The following CIROZ variants were observed in gnomAD, a reference collection of about 807,000 sequenced individuals.
CIROZ encodes ciliated left-right organizer ZP-N domains-containing protein.
chr1:10,975,407 GAAAAAAAA>G, the CIROZ span, among the ~76,000 whole-genome samples: 67 of 78,782 alleles, frequency 8.5e-4, no homozygotes, highest in Non-Finnish European at 1.7e-3. Context: ...CTCTGTCTCA[GAAAAAAAA>G]AAAAAAAAAA....
At chr1:10,976,372 G>A in the CIROZ span, 362 of 721,870 alleles carry the variant, frequency 5.0e-4, 2 homozygotes, top group Middle Eastern at 4.0e-4. Flanking sequence ...GTCTCGCTCC[G>A]TCACCCTGGC....
the CIROZ span, among the ~76,000 whole-genome samples, chr1:10,968,413 CT>C: frequency 3.3e-5 from 5 of 152,326 alleles, no homozygotes; most frequent in Non-Finnish European, 7.4e-5. Flanking sequence ...GGCAGCCTTT[CT>C]ACGTGGGATT....
chr1:10,954,019 C>T, the CIROZ span: 2 of 1,610,576 alleles, frequency 1.2e-6, no homozygotes, highest in East Asian at 2.2e-5. Flanking sequence ...CCTCACTCAC[C>T]CACACACTGG....
chr1:10,963,195 C>A, the CIROZ span, among the ~76,000 whole-genome samples: 1 of 152,024 alleles, frequency 6.6e-6, no homozygotes, highest in African/African-American at 2.4e-5. Flanking sequence ...TCAAGACCAG[C>A]CTGGCCAACA....
the CIROZ span, among the ~76,000 whole-genome samples, chr1:10,971,800 C>T: frequency 6.6e-6 from 1 of 152,182 alleles, no homozygotes; most frequent in East Asian, 1.9e-4. Flanking sequence ...CCTTGTTGAC[C>T]ACTCTATCCC....
the CIROZ span, chr1:10,976,211 G>C: frequency 4.6e-6 from 7 of 1,536,578 alleles, no homozygotes; most frequent in Middle Eastern, 1.8e-4. Context: ...TGAAGGAGAG[G>C]CTCCATGGGA....
chr1:10,969,112 C>T, the CIROZ span, among the ~76,000 whole-genome samples: 3 of 152,104 alleles, frequency 2.0e-5, no homozygotes, highest in African/African-American at 4.8e-5. Flanking sequence ...CCAGAAGGTG[C>T]TTTAGGAATT....
chr1:10,966,409 G>A, the CIROZ span: 69 of 1,536,616 alleles, frequency 4.5e-5, no homozygotes, highest in Middle Eastern at 1.7e-4. Flanking sequence ...GGAAGTCACC[G>A]TCTGAAGCCA....
the CIROZ span, chr1:10,969,873 G>A: frequency 1.4e-6 from 2 of 1,419,534 alleles, no homozygotes; most frequent in South Asian, 3.1e-5. Context: ...TGATGCCCAG[G>A]AACCTGCAAG....
the CIROZ span, among the ~76,000 whole-genome samples, chr1:10,957,355 T>C: frequency 2.0e-5 from 3 of 152,312 alleles, no homozygotes; most frequent in African/African-American, 4.8e-5. Context: ...CACAGCAACT[T>C]TGGGCTATTT....
the CIROZ span, among the ~76,000 whole-genome samples, chr1:10,975,407 GAAAAAAAAAAA>G: frequency 2.5e-5 from 2 of 78,782 alleles, no homozygotes; most frequent in Non-Finnish European, 5.7e-5. Context: ...CTCTGTCTCA[GAAAAAAAAAAA>G]AAAAAAAAAA....
chr1:10,961,059 T>C, the CIROZ span, among the ~76,000 whole-genome samples: 12 of 152,166 alleles, frequency 7.9e-5, no homozygotes, highest in Non-Finnish European at 7.4e-5. Flanking sequence ...GACTGGGGCA[T>C]TGGGGCATCT....
the CIROZ span, among the ~76,000 whole-genome samples, chr1:10,961,853 A>G: frequency 1.3e-5 from 2 of 152,316 alleles, no homozygotes; most frequent in African/African-American, 4.8e-5. Flanking sequence ...CTGTGATCCC[A>G]TGAGAATCGC....
At chr1:10,959,766 G>T in the CIROZ span, among the ~76,000 whole-genome samples, 15 of 152,240 alleles carry the variant, frequency 9.9e-5, no homozygotes, top group East Asian at 3.8e-4. This position sits in a 1 kb window ranked among gnomAD's most constrained non-coding sequence, Gnocchi z 4.3. Context: ...CCACCATGCA[G>T]CCTCCCCAGT....
chr1:10,977,175 G>A, the CIROZ span, among the ~76,000 whole-genome samples: 4 of 151,956 alleles, frequency 2.6e-5, no homozygotes, highest in African/African-American at 9.7e-5. Context: ...TTACAGGTGT[G>A]AGCCACCATG....
chr1:10,966,333 AAAAAG>A, the CIROZ span: 10 of 1,499,860 alleles, frequency 6.7e-6, no homozygotes, highest in Non-Finnish European at 7.9e-6. Flanking sequence ...TTAAAAAAAA[AAAAAG>A]AAAAGTTTCC....
chr1:10,955,006 C>G, the CIROZ span: 25 of 1,604,192 alleles, frequency 1.6e-5, no homozygotes, highest in Admixed American at 3.8e-4. Context: ...CTGGAGCACC[C>G]CGGCCGCCGG....
the CIROZ span, among the ~76,000 whole-genome samples, chr1:10,953,211 G>A: frequency 2.0e-5 from 3 of 152,112 alleles, no homozygotes; most frequent in East Asian, 1.9e-4. Flanking sequence ...TCATATCCTC[G>A]TGACAGGGCA....
chr1:10,964,201 T>A, the CIROZ span: 1 of 1,614,222 alleles, frequency 6.2e-7, no homozygotes, highest in Non-Finnish European at 8.5e-7. Context: ...CTTCATTATG[T>A]AGCGATCACT....
Sources: allele counts gnomAD v4.1 joint callset (sites outside exome capture counted in the v4.1 genomes callset), GRCh38; gene constraint gnomAD v4.1.1; non-coding constraint Gnocchi (gnomAD v3.1); transcripts MANE v1.5; gene names NCBI Gene and HGNC (gene_info 2026-07-23, HGNC 2026-07-21).